The following TSHR variants were observed in gnomAD, a reference collection of about 807,000 sequenced individuals.
TSHR encodes thyroid stimulating hormone receptor.
A neutral mutation model predicts 64.1 loss-of-function variants in TSHR; 51 were observed. The observed-to-expected ratio is 0.80, with a 90% CI of 0.64 to 1.01. The LOEUF is 1.01. TSHR is among the 50% of genes least tolerant of loss of function. The pLI is 0.00. For synonymous variants in TSHR, 361 were observed against 361.9 expected, an observed-to-expected ratio of 1.00 and a Z score of 0.03; for missense variants, 877 against 942.8, an observed-to-expected ratio of 0.93 and a Z score of 0.91.
intron 1 of TSHR, among the ~76,000 whole-genome samples, chr14:80,980,275 C>T (rs1888101799): frequency 6.6e-6 from 1 of 152,088 alleles, no homozygotes; most frequent in Admixed American, 6.6e-5. Context: ...ATCTTTAATG[C>T]ATATGAAAGC....
intron 6 of TSHR, chr14:81,093,464 C>T (rs1223596326): frequency 6.6e-6 from 1 of 152,222 alleles, no homozygotes; most frequent in East Asian, 1.9e-4. Flanking sequence ...AGGACCACTG[C>T]CCAAGTTCAA....
intron 1 of TSHR, chr14:81,050,153 A>G (rs1885357904): frequency 1.3e-5 from 2 of 152,206 alleles, no homozygotes; most frequent in African/African-American, 4.8e-5. Flanking sequence ...ACACCCTACA[A>G]TACGAAGAAA....
intron 3 of TSHR, 46 bp downstream of exon 3, chr14:81,068,374 CTT>C: frequency 6.3e-7 from 1 of 1,576,636 alleles, no homozygotes; most frequent in Non-Finnish European, 8.7e-7. Context: ...CACAACCACT[CTT>C]GACTGATAAT....
At chr14:81,093,705 T>A in intron 6 of TSHR, 1 of 152,248 alleles carries the variant, frequency 6.6e-6, no homozygotes, top group East Asian at 1.9e-4. Context: ...GCATTTCAGA[T>A]GATCCTTCTC....
chr14:81,018,067 A>G (rs369308736), intron 1 of TSHR, among the ~76,000 whole-genome samples: 43 of 152,008 alleles, frequency 2.8e-4, no homozygotes, highest in Admixed American at 1.4e-3. Context: ...CTGACCTCAA[A>G]TGATCCACCT....
At chr14:81,125,937 G>A (rs1891004262) in intron 8 of TSHR, among the ~76,000 whole-genome samples, 1 of 151,912 alleles carries the variant, frequency 6.6e-6, no homozygotes, top group Admixed American at 6.6e-5. Flanking sequence ...TGAAGAGAGA[G>A]AGAGTAGGCA....
chr14:81,014,685 C>T (rs538003562), intron 1 of TSHR, among the ~76,000 whole-genome samples: 3 of 152,112 alleles, frequency 2.0e-5, no homozygotes, highest in Non-Finnish European at 2.9e-5. Context: ...CAGACTTTGT[C>T]CTAGAATTCC....
intron 8 of TSHR, among the ~76,000 whole-genome samples, chr14:81,139,140 TG>T (rs1487381107): frequency 6.6e-6 from 1 of 152,016 alleles, no homozygotes; most frequent in Admixed American, 6.6e-5. Context: ...TGGCGGGGGA[TG>T]GGGGGAAATG....
At chr14:81,114,879 C>T (rs2140048540) in intron 8 of TSHR, among the ~76,000 whole-genome samples, 1 of 152,274 alleles carries the variant, frequency 6.6e-6, no homozygotes, top group African/African-American at 2.4e-5. Context: ...ACCCCTGACC[C>T]CCGAGCAGCC....
intron 1 of TSHR, among the ~76,000 whole-genome samples, chr14:81,032,084 G>C (rs911008511): frequency 9.9e-5 from 15 of 151,926 alleles, no homozygotes; most frequent in African/African-American, 3.4e-4. Context: ...AGAGAACATA[G>C]ATAGACATTT....
chr14:81,036,660 T>C (rs759128176), intron 1 of TSHR, among the ~76,000 whole-genome samples: 2 of 152,084 alleles, frequency 1.3e-5, no homozygotes, highest in Non-Finnish European at 2.9e-5. Context: ...GAAAGTATAA[T>C]CTCATTGGTA....
At chr14:81,068,389 T>C (rs2139910966) in intron 3 of TSHR, 61 bp downstream of exon 3, 6 of 1,531,966 alleles carry the variant, frequency 3.9e-6, no homozygotes, top group Non-Finnish European at 5.4e-6. Flanking sequence ...CTGATAATCT[T>C]GGGGCTCCAG....
At chr14:81,128,356 A>G (rs542172180) in intron 8 of TSHR, among the ~76,000 whole-genome samples, 1 of 152,332 alleles carries the variant, frequency 6.6e-6, no homozygotes, top group East Asian at 1.9e-4. Flanking sequence ...TCACCTGGCC[A>G]TAAGGGAAAT....
At chr14:80,983,241 C>G (rs1888262544) in intron 1 of TSHR, 1 of 1,263,112 alleles carries the variant, frequency 7.9e-7, no homozygotes, top group African/African-American at 1.5e-5. Flanking sequence ...CATGTCATTT[C>G]CTTTGAACTC....
At chr14:81,008,274 G>A (rs1306006166) in intron 1 of TSHR, among the ~76,000 whole-genome samples, 2 of 151,342 alleles carry the variant, frequency 1.3e-5, no homozygotes, top group African/African-American at 2.4e-5. Flanking sequence ...CCGGGTTCAC[G>A]CCATTCTTCT....
At chr14:81,113,323 T>C (rs957645583) in intron 8 of TSHR, among the ~76,000 whole-genome samples, 1 of 152,170 alleles carries the variant, frequency 6.6e-6, no homozygotes, top group African/African-American at 2.4e-5. Context: ...GTAATTATTT[T>C]TGACTGAGCA....
chr14:81,061,642 C>T (rs958126005), intron 1 of TSHR, among the ~76,000 whole-genome samples: 6 of 151,910 alleles, frequency 3.9e-5, no homozygotes, highest in African/African-American at 1.2e-4. Context: ...TGCTTGAAGG[C>T]AGAGGGTGGG....
intron 7 of TSHR, among the ~76,000 whole-genome samples, chr14:81,101,745 A>G (rs951690703): frequency 2.8e-4 from 43 of 152,168 alleles, no homozygotes; most frequent in African/African-American, 9.9e-4. Flanking sequence ...AGACACACCA[A>G]GAAACCTGAT....
chr14:81,110,898 A>G (rs1890196437), intron 8 of TSHR, among the ~76,000 whole-genome samples: 1 of 152,196 alleles, frequency 6.6e-6, no homozygotes, highest in African/African-American at 2.4e-5. Flanking sequence ...GTTAAAAATA[A>G]TTTTCAAAAC....
Sources: gnomAD v4.1 joint callset for allele counts (sites outside exome capture counted in the v4.1 genomes callset) on GRCh38, gnomAD v4.1.1 for gene constraint, MANE v1.5 for transcripts, NCBI Gene and HGNC (gene_info 2026-07-23, HGNC 2026-07-21) for gene names.